The following RASGRF2 variants were observed in gnomAD, a reference collection of about 807,000 sequenced individuals.
RASGRF2 encodes the protein ras-specific guanine nucleotide-releasing factor 2.
RASGRF2 carries 76 observed loss-of-function variants against 151.0 expected under a neutral mutation model. The observed-to-expected ratio is 0.50, with a 90% CI of 0.42 to 0.61. RASGRF2 has a LOEUF of 0.61. RASGRF2 is among the 20% of genes least tolerant of loss of function. RASGRF2 has a pLI of 0.00. For missense variants in RASGRF2, 1,148 were observed against 1,564.6 expected (o/e 0.73, Z 4.49); for synonymous variants, 504 against 566.5 (o/e 0.89, Z 1.57).
intron 17 of RASGRF2, among the ~76,000 whole-genome samples, chr5:81,163,180 C>A (rs1453730600): frequency 1.3e-5 from 2 of 152,118 alleles, no homozygotes; most frequent in Non-Finnish European, 2.9e-5. Flanking sequence ...CCTCTACAAC[C>A]ACCTGCCAGC....
At chr5:81,083,269 CTTTTTT>C (rs199506836) in intron 7 of RASGRF2, among the ~76,000 whole-genome samples, 28 of 143,002 alleles carry the variant, frequency 2.0e-4, no homozygotes, top group Admixed American at 5.5e-4. Context: ...AGGGTTCTCA[CTTTTTT>C]TTTTTTTTTT....
At chr5:81,170,717 T>A (rs181903856) in intron 17 of RASGRF2, among the ~76,000 whole-genome samples, 1 of 152,198 alleles carries the variant, frequency 6.6e-6, no homozygotes, top group African/African-American at 2.4e-5. Context: ...AGTCACCCTT[T>A]TTCTGTTCAA....
Position 81,042,991 on chromosome 5 carries a change from C to T in RASGRF2, c.395+8C>T. ...GGCCATTCACCAAGCCAGGTATAGGCTCAGTCTTCCTGTGTAGTACTTGAT... is the reference window on the plus strand; with the variant it reads ...GGCCATTCACCAAGCCAGGTATAGGTTCAGTCTTCCTGTGTAGTACTTGAT... On this transcript the variant is annotated splice_region_variant and intron_variant, in intron 2 of 26. Coordinates refer to ENST00000265080, the MANE Select transcript of RASGRF2 (RefSeq NM_006909.3). The T allele has an allele frequency of 6.3e-7, 1 of 1,589,768 alleles. No individual in the cohort carries two copies. Among genetic ancestry groups the T allele is most frequent in the African/African-American group, 1.3e-5 (1 of 74,538 alleles).
intron 18 of RASGRF2, among the ~76,000 whole-genome samples, chr5:81,195,276 C>T (rs1755239361): frequency 6.6e-6 from 1 of 152,056 alleles, no homozygotes; most frequent in Admixed American, 6.5e-5. Context: ...CGCTCGGGTA[C>T]GTCTTATTCC....
chr5:81,091,473 A>C (rs1177854636), intron 9 of RASGRF2, among the ~76,000 whole-genome samples: 1 of 152,156 alleles, frequency 6.6e-6, no homozygotes, highest in Non-Finnish European at 1.5e-5. Flanking sequence ...CTTTAGGCCC[A>C]GAATAGCTGC....
chr5:81,079,292 A>G (rs1211525773), intron 5 of RASGRF2, among the ~76,000 whole-genome samples: 1 of 152,240 alleles, frequency 6.6e-6, no homozygotes, highest in Non-Finnish European at 1.5e-5. Flanking sequence ...AAATTGTTAT[A>G]AAAGAAAAAT....
intron 1 of RASGRF2, among the ~76,000 whole-genome samples, chr5:81,032,640 C>T (rs540351904): frequency 6.6e-5 from 10 of 152,264 alleles, no homozygotes; most frequent in South Asian, 4.2e-4. Flanking sequence ...ATTGATGGGA[C>T]GTATCTCAAA....
intron 2 of RASGRF2, among the ~76,000 whole-genome samples, chr5:81,045,019 C>G (rs184671243): frequency 6.6e-6 from 1 of 152,272 alleles, no homozygotes; most frequent in East Asian, 1.9e-4. Flanking sequence ...CACGAGTCAT[C>G]ATGACCCCGG....
intron 1 of RASGRF2, among the ~76,000 whole-genome samples, chr5:80,990,044 G>A (rs1323729894): frequency 1.3e-5 from 2 of 152,082 alleles, no homozygotes; most frequent in Non-Finnish European, 1.5e-5. Context: ...AAGGTGGAGA[G>A]GGCAGATGGC....
At chr5:81,142,522 C>CT (rs1753908712) in intron 17 of RASGRF2, among the ~76,000 whole-genome samples, 1 of 152,156 alleles carries the variant, frequency 6.6e-6, no homozygotes, top group Admixed American at 6.5e-5. Context: ...TGCAATGTTT[C>CT]TTATATGGGG....
intron 4 of RASGRF2, among the ~76,000 whole-genome samples, chr5:81,070,904 A>G (rs997409366): frequency 2.6e-5 from 4 of 152,342 alleles, no homozygotes; most frequent in Admixed American, 2.0e-4. Flanking sequence ...ATTACATTTC[A>G]AAAATATTTC....
At chr5:81,116,854 C>A (rs889496299) in intron 15 of RASGRF2, among the ~76,000 whole-genome samples, 2 of 152,144 alleles carry the variant, frequency 1.3e-5, no homozygotes, top group Non-Finnish European at 2.9e-5. Context: ...CATATGATAG[C>A]ATGTGATAGA....
At chr5:81,084,951 T>C (rs1752186909) in intron 7 of RASGRF2, among the ~76,000 whole-genome samples, 1 of 152,220 alleles carries the variant, frequency 6.6e-6, no homozygotes, top group Non-Finnish European at 1.5e-5. Flanking sequence ...ACCAAACTTC[T>C]TCCCACTTTA....
chr5:81,161,191 G>A (rs1190941860), intron 17 of RASGRF2, among the ~76,000 whole-genome samples: 2 of 152,172 alleles, frequency 1.3e-5, no homozygotes, highest in African/African-American at 4.8e-5. Flanking sequence ...AGCCTCAGAT[G>A]GGTCAAGGAC....
At chr5:81,092,452 GTTA>G (rs1752417982) in intron 9 of RASGRF2, among the ~76,000 whole-genome samples, 1 of 152,136 alleles carries the variant, frequency 6.6e-6, no homozygotes, top group African/African-American at 2.4e-5. Context: ...CAATATGTAT[GTTA>G]TTATTAAATA....
intron 1 of RASGRF2, 51 bp downstream of exon 1, chr5:80,961,077 C>T: frequency 7.1e-7 from 1 of 1,400,682 alleles, no homozygotes; most frequent in Non-Finnish European, 9.3e-7. Context: ...GCCGCACTCC[C>T]TTGCCGTCCT....
intron 1 of RASGRF2, among the ~76,000 whole-genome samples, chr5:80,994,511 G>GTTT: frequency 6.6e-6 from 1 of 152,156 alleles, no homozygotes; most frequent in Non-Finnish European, 1.5e-5. Context: ...TAAGAAGATA[G>GTTT]TTTTCAGGCT....
At chr5:81,087,198 G>A (rs1311047613) in intron 9 of RASGRF2, 1 of 703,180 alleles carries the variant, frequency 1.4e-6, no homozygotes. Context: ...CTGACTGGAC[G>A]CTCCTCCTCA....
In RASGRF2 at chr5:81,013,145, C is replaced by CT. The variant is rs1420991911; in HGVS notation, c.289-29730dup. ...CATTTTAACTCTAGCAGGCAGTTTA[C>CT]TTGGCTGACTCAGTCTCCAAACTCT... On this transcript the variant is annotated intron_variant, in intron 1 of 26. Coordinates refer to ENST00000265080, the MANE Select transcript of RASGRF2 (RefSeq NM_006909.3). Among the ~76,000 whole-genome samples, 4 of 152,338 alleles carry CT rather than the reference C, an allele frequency of 2.6e-5. No individual in the cohort carries two copies. In the East Asian group the frequency reaches 7.7e-4, roughly 29 times the overall value.
Sources: gnomAD v4.1 joint callset for allele counts (sites outside exome capture counted in the v4.1 genomes callset) on GRCh38, gnomAD v4.1.1 for gene constraint, MANE v1.5 for transcripts, NCBI Gene and HGNC (gene_info 2026-07-23, HGNC 2026-07-21) for gene names.